The following CCDC175 variants were observed in gnomAD, a reference collection of about 807,000 sequenced individuals.
CCDC175 encodes the protein coiled-coil domain-containing protein 175.
Under a neutral mutation model 114.6 loss-of-function variants are expected in CCDC175, and 100 were observed. The observed-to-expected ratio is 0.87, with a 90% CI of 0.74 to 1.03. The LOEUF (loss-of-function observed/expected upper bound fraction) is 1.03. Among genes scored for constraint, CCDC175 ranks in the 50% least tolerant of loss-of-function variants. The pLI, the probability that CCDC175 is intolerant of heterozygous loss-of-function variation, is 0.00. For synonymous variants in CCDC175, 306 were observed against 308.7 expected (o/e 0.99, Z 0.09); for missense variants, 880 against 917.8 (o/e 0.96, Z 0.53).
At chr14:59,527,645 T>C (rs1401432456) in intron 14 of CCDC175, among the ~76,000 whole-genome samples, 1 of 152,204 alleles carries the variant, frequency 6.6e-6, no homozygotes, top group Non-Finnish European at 1.5e-5. Flanking sequence ...TTTTGTTTTT[T>C]CTTGGAGTTA....
intron 15 of CCDC175, among the ~76,000 whole-genome samples, chr14:59,526,722 G>T (rs1893762560): frequency 6.6e-6 from 1 of 152,018 alleles, no homozygotes. Context: ...CTCCCCCACT[G>T]CAACCTTTGT....
At chr14:59,551,300 T>A in intron 8 of CCDC175, 55 bp downstream of exon 8, 1 of 803,000 alleles carries the variant, frequency 1.2e-6, no homozygotes, top group South Asian at 2.2e-5. Flanking sequence ...TTTTAAACAT[T>A]AACTAAAAAT....
intron 15 of CCDC175, among the ~76,000 whole-genome samples, chr14:59,526,363 T>C (rs1046818301): frequency 6.6e-6 from 1 of 152,260 alleles, no homozygotes; most frequent in African/African-American, 2.4e-5. Flanking sequence ...CCCGGCACTT[T>C]GGGAGGCCGA....
intron 10 of CCDC175, among the ~76,000 whole-genome samples, chr14:59,543,106 C>T (rs1227899822): frequency 6.6e-6 from 1 of 152,174 alleles, no homozygotes; most frequent in Non-Finnish European, 1.5e-5. Flanking sequence ...ATTCTTGTCA[C>T]TGCACCCCAA....
chr14:59,539,608 A>T (rs570815243), intron 11 of CCDC175, among the ~76,000 whole-genome samples: 1 of 151,164 alleles, frequency 6.6e-6, no homozygotes, highest in Non-Finnish European at 1.5e-5. Flanking sequence ...TAGAGTCTTT[A>T]AGTGCACATT....
At chr14:59,544,890 T>C (rs998082064) in intron 9 of CCDC175, among the ~76,000 whole-genome samples, 1 of 152,122 alleles carries the variant, frequency 6.6e-6, no homozygotes, top group African/African-American at 2.4e-5. Flanking sequence ...AGCGGCTGGG[T>C]GGCTGTAAGC....
chr14:59,555,583 C>T (rs960115206), intron 7 of CCDC175, among the ~76,000 whole-genome samples: 6 of 152,324 alleles, frequency 3.9e-5, no homozygotes, highest in African/African-American at 1.4e-4. Flanking sequence ...CTCACCACTC[C>T]TATTCAACAT....
chr14:59,527,887 T>G (rs1181548598), intron 14 of CCDC175, among the ~76,000 whole-genome samples: 1 of 152,134 alleles, frequency 6.6e-6, no homozygotes, highest in Non-Finnish European at 1.5e-5. Flanking sequence ...TCTTTGGACT[T>G]CCTTTTGCAT....
At chr14:59,557,360 G>A (rs1416645511) in intron 7 of CCDC175, among the ~76,000 whole-genome samples, 15 of 149,856 alleles carry the variant, frequency 1.0e-4, no homozygotes, top group East Asian at 4.0e-4. Context: ...GCAAACTATC[G>A]CAAGGACAAA....
At chr14:59,549,308 G>A (rs1299736276) in intron 8 of CCDC175, among the ~76,000 whole-genome samples, 1 of 152,074 alleles carries the variant, frequency 6.6e-6, no homozygotes, top group Non-Finnish European at 1.5e-5. Context: ...GAACTGAGGA[G>A]TTCACAACCA....
At chr14:59,511,316 G>C (rs1025467568) in intron 18 of CCDC175, among the ~76,000 whole-genome samples, 2 of 152,122 alleles carry the variant, frequency 1.3e-5, no homozygotes, top group Non-Finnish European at 2.9e-5. Flanking sequence ...TAAATACTTA[G>C]AAAGTGGCAG....
At chr14:59,527,210 A>C (rs1351649269) in intron 14 of CCDC175, 36 bp from the exon 15 acceptor site, 1 of 1,099,080 alleles carries the variant, frequency 9.1e-7, no homozygotes, top group Non-Finnish European at 1.3e-6. Context: ...TACCTCAAAA[A>C]TTTAGTTAAA....
rs1158708332 is a variant in CCDC175, at chr14:59,568,162, C to T, written c.491+83G>A. The T allele has an allele frequency of 5.9e-6, 8 of 1,347,708 alleles. No homozygotes were observed. In the African/African-American group the frequency reaches 9.0e-5, roughly 15 times the overall value. The allele number at this position is 1,347,708 out of a possible 1,614,324, so 83.5% of individuals were successfully genotyped here. The stretch of plus-strand genomic sequence containing the variant: ...CAACTCGCCCTGCCACAGTTCAGAT[C>T]AGAGAGTAAACCCCTCCCGACAATT... On this transcript the variant is annotated intron_variant, in intron 4 of 19. Coordinates refer to ENST00000537690, the MANE Select transcript of CCDC175 (RefSeq NM_001164399.2).
At chr14:59,547,655 A>AT (rs1895195806) in intron 8 of CCDC175, among the ~76,000 whole-genome samples, 1 of 152,214 alleles carries the variant, frequency 6.6e-6, no homozygotes, top group African/African-American at 2.4e-5. Context: ...ATGGAAAAAT[A>AT]TGAATCTTGA....
chr14:59,562,593 T>C (rs761774302), intron 6 of CCDC175, among the ~76,000 whole-genome samples: 1 of 152,130 alleles, frequency 6.6e-6, no homozygotes, highest in African/African-American at 2.4e-5. Context: ...GGTAGGAAGG[T>C]GGGCAGGCTG....
chr14:59,525,936 G>A (rs955646611), intron 15 of CCDC175, among the ~76,000 whole-genome samples: 1 of 152,138 alleles, frequency 6.6e-6, no homozygotes, highest in Non-Finnish European at 1.5e-5. Context: ...TTGAGCATCC[G>A]TGGATTTTGA....
At chr14:59,538,233 A>G in intron 12 of CCDC175, 79 bp from the exon 13 acceptor site, 1 of 1,234,870 alleles carries the variant, frequency 8.1e-7, no homozygotes, top group Non-Finnish European at 1.1e-6. Context: ...GGAAATTAAT[A>G]TCTCTTTGCA....
intron 7 of CCDC175, among the ~76,000 whole-genome samples, chr14:59,553,853 CAA>C (rs1167171788): frequency 2.6e-5 from 4 of 151,964 alleles, no homozygotes; most frequent in Non-Finnish European, 5.9e-5. Flanking sequence ...CAACAAAGAT[CAA>C]AAGAGACAAA....
intron 16 of CCDC175, among the ~76,000 whole-genome samples, chr14:59,522,613 T>C (rs551568260): frequency 6.6e-6 from 1 of 152,184 alleles, no homozygotes; most frequent in Non-Finnish European, 1.5e-5. Context: ...CACAGCTCAC[T>C]CCTTCAAAGT....
Sources: gnomAD v4.1 joint callset for allele counts (sites outside exome capture counted in the v4.1 genomes callset) on GRCh38, gnomAD v4.1.1 for gene constraint, MANE v1.5 for transcripts, NCBI Gene and HGNC (gene_info 2026-07-23, HGNC 2026-07-21) for gene names.